Variants in PARP16 observed in about 807,000 individuals in gnomAD.
The protein encoded by PARP16 is protein mono-ADP-ribosyltransferase PARP16.
PARP16 carries 31 observed loss-of-function variants against 35.0 expected under a neutral mutation model. The ratio of observed to expected loss-of-function variants is 0.88; its 90% CI spans 0.66 to 1.19. The LOEUF is 1.19. PARP16 is among the 50% of genes most tolerant of loss of function. The pLI, the probability that PARP16 is intolerant of heterozygous loss-of-function variation, is 0.00. For synonymous variants in PARP16, 162 were observed against 169.5 expected (o/e 0.96, Z 0.34); for missense variants, 424 against 411.2 (o/e 1.03, Z -0.27).
chr15:65,286,314 GA>G lies in PARP16; in HGVS notation c.112del (p.Ser38ArgfsTer31). ...ASALQSYKRD[S>X]VLRPFPASYA... ...GGACGCGGGGAAGGGCCGCAGCACC[GA>G]GTCGCGCTTGTAGCTCTGCAGGGCC... On this transcript the variant is annotated frameshift_variant, in exon 1 of 6. Coordinates refer to ENST00000649807, the MANE Select transcript of PARP16 (RefSeq NM_001316943.2). LOFTEE classifies it high-confidence loss of function. 14 of 1,604,174 alleles carry G rather than the reference GA, an allele frequency of 8.7e-6. No homozygotes were observed. The highest frequency in any genetic ancestry group is 1.2e-5 in the Non-Finnish European group (14 of 1,176,608).
chr15:65,234,021 T>G (rs1375639461), downstream of PARP16, among the ~76,000 whole-genome samples: 1 of 152,222 alleles, frequency 6.6e-6, no homozygotes, highest in Non-Finnish European at 1.5e-5. Context: ...GATATTGAGA[T>G]AGTTGGACTA....
chr15:65,244,957 G>A (rs918817040), intron 3 of PARP16, among the ~76,000 whole-genome samples: 4 of 152,208 alleles, frequency 2.6e-5, no homozygotes, highest in African/African-American at 9.7e-5. Context: ...AGGCCAGGAT[G>A]CTGGGGGGAT....
chr15:65,261,861 CCTTTT>C (rs1301587657), intron 4 of PARP16, among the ~76,000 whole-genome samples: 2 of 152,152 alleles, frequency 1.3e-5, no homozygotes, highest in African/African-American at 2.4e-5. Context: ...AACAAAAAAC[CCTTTT>C]CTTTTAATAG....
At chr15:65,276,458 T>C (rs1277503427) in intron 1 of PARP16, among the ~76,000 whole-genome samples, 3 of 152,116 alleles carry the variant, frequency 2.0e-5, no homozygotes, top group Non-Finnish European at 4.4e-5. Flanking sequence ...ACAGCAGCCT[T>C]GACCTTCCAG....
At chr15:65,257,766 T>C (rs1159081807), downstream of PARP16, among the ~76,000 whole-genome samples, 5 of 152,170 alleles carry the variant, frequency 3.3e-5, no homozygotes, top group African/African-American at 9.7e-5. Context: ...TTGCCAAGTA[T>C]TTCCCTAAAC....
At chr15:65,271,120 A>G in intron 1 of PARP16, 48 bp from the exon 2 acceptor site, 1 of 1,604,406 alleles carries the variant, frequency 6.2e-7, no homozygotes, top group South Asian at 1.1e-5. Context: ...GGACACAGTG[A>G]TAATCAGGGG....
chr15:65,281,552 G>C (rs887210542), intron 1 of PARP16, among the ~76,000 whole-genome samples: 1 of 152,046 alleles, frequency 6.6e-6, no homozygotes, highest in Non-Finnish European at 1.5e-5. Flanking sequence ...TTAGCTGGGC[G>C]TCATGGCATC....
intron 1 of PARP16, among the ~76,000 whole-genome samples, chr15:65,279,416 A>G (rs532370895): frequency 6.6e-6 from 1 of 152,266 alleles, no homozygotes; most frequent in South Asian, 2.1e-4. Flanking sequence ...AAGGAAAGAG[A>G]TGGCTGGTCC....
rs1195016248 is a variant in PARP16 at position 65,266,693 on chromosome 15, A to T, written c.388T>A (p.Tyr130Asn). The change falls in exon 3 of 6, where the codon TAC becomes AAC. Residue 130 changes from tyrosine (Y) to asparagine (N), a missense_variant. By Grantham distance (143) the Tyr-to-Asn change is moderately radical. Transcript: ENST00000649807. The part of the protein sequence containing the change: ...PAPDFLFEIE[Y>N]FDPANAKFYE... ...AATTTGGCGTTGGCTGGGTCAAAGT[A>T]CTCAATTTCAAACAGGAAGTCCGGT... 1.2e-6 allele frequency: 2 copies of T among 1,614,096 alleles called. No homozygotes were observed. The highest frequency in any genetic ancestry group is 1.7e-6 in the Non-Finnish European group (2 of 1,179,970).
At chr15:65,274,455 T>C (rs1373057499) in intron 1 of PARP16, among the ~76,000 whole-genome samples, 1 of 151,656 alleles carries the variant, frequency 6.6e-6, no homozygotes, top group African/African-American at 2.4e-5. Flanking sequence ...TGTACACCTG[T>C]AGTCCCGGCT....
chr15:65,280,378 A>C (rs2090384350), intron 1 of PARP16, among the ~76,000 whole-genome samples: 1 of 150,654 alleles, frequency 6.6e-6, no homozygotes, highest in African/African-American at 2.5e-5. Context: ...CAGAGGTTGC[A>C]CTGAGCCAAG....
At chr15:65,244,222 T>A (rs985769145) in intron 3 of PARP16, among the ~76,000 whole-genome samples, 1 of 152,096 alleles carries the variant, frequency 6.6e-6, no homozygotes, top group African/African-American at 2.4e-5. Flanking sequence ...ATCTCCCACA[T>A]AATCTCATTT....
At chr15:65,235,525 C>T (rs1169076457) in intron 3 of PARP16, among the ~76,000 whole-genome samples, 1 of 150,780 alleles carries the variant, frequency 6.6e-6, no homozygotes, top group Non-Finnish European at 1.5e-5. Flanking sequence ...ATTTGCCGGC[C>T]AGGCATGGTG....
chr15:65,260,751 C>T (rs187494682), intron 5 of PARP16, 134 bp downstream of exon 5: 8 of 743,568 alleles, frequency 1.1e-5, no homozygotes, highest in East Asian at 2.5e-5. Flanking sequence ...CACTTCTCAC[C>T]GTGTCCAGCA....
At chr15:65,234,463 A>C (rs755115) in exon 4 of PARP16, 110,178 of 152,184 alleles carry the variant, frequency 0.72, 40,952 homozygotes, top group East Asian at 1. Flanking sequence ...CGCAATGTTC[A>C]TTCAACCAGA....
intron 1 of PARP16, among the ~76,000 whole-genome samples, chr15:65,277,544 T>C (rs753667219): frequency 1.3e-5 from 2 of 152,256 alleles, no homozygotes; most frequent in Non-Finnish European, 2.9e-5. Flanking sequence ...TGTTATCTCA[T>C]GTTATTCTCA....
downstream of PARP16, among the ~76,000 whole-genome samples, chr15:65,255,450 A>G (rs2089470551): frequency 6.6e-6 from 1 of 152,148 alleles, no homozygotes; most frequent in South Asian, 2.1e-4. Flanking sequence ...TATGGAAGAA[A>G]GGGGGCCCAG....
intron 1 of PARP16, chr15:65,285,470 T>C (rs556659141): frequency 5.2e-5 from 20 of 381,752 alleles, no homozygotes; most frequent in African/African-American, 2.8e-4. Flanking sequence ...AGAATGTTAC[T>C]TGTGCAAGTC....
At chr15:65,271,150 G>T in intron 1 of PARP16, 78 bp from the exon 2 acceptor site, 1 of 1,421,640 alleles carries the variant, frequency 7.0e-7, no homozygotes, top group Non-Finnish European at 9.9e-7. Flanking sequence ...GGGAAGGCAG[G>T]CAACGTTCAC....
Sources: allele counts gnomAD v4.1 joint callset (sites outside exome capture counted in the v4.1 genomes callset), GRCh38; gene constraint gnomAD v4.1.1; transcripts MANE v1.5; gene names NCBI Gene and HGNC (gene_info 2026-07-23, HGNC 2026-07-21).